PHF20: variants seen among roughly 807,000 people sequenced by gnomAD.
PHF20 encodes PHD finger protein 20.
In PHF20, 23 loss-of-function variants were observed where a neutral mutation model predicts 113.5. The ratio of observed to expected loss-of-function variants is 0.20; its 90% CI spans 0.15 to 0.29. The LOEUF is 0.29. Ranked by LOEUF, PHF20 falls within the 10% of genes least tolerant of loss-of-function variation. PHF20 has a pLI of 1.00. For missense variants in PHF20, 943 were observed against 1,219.6 expected (o/e 0.77, Z 3.38); for synonymous variants, 434 against 457.3 (o/e 0.95, Z 0.65).
intron 10 of PHF20, among the ~76,000 whole-genome samples, chr20:35,906,265 C>T (rs751349265): frequency 2.6e-5 from 4 of 152,140 alleles, no homozygotes; most frequent in Non-Finnish European, 2.9e-5. Flanking sequence ...GTCCTCCTCC[C>T]CTTAAAACAA....
At chr20:35,811,779 T>A (rs1015449954) in intron 2 of PHF20, among the ~76,000 whole-genome samples, 1 of 150,798 alleles carries the variant, frequency 6.6e-6, no homozygotes, top group Non-Finnish European at 1.5e-5. Flanking sequence ...TTTTATTTTT[T>A]AATTTTTTTG....
intron 2 of PHF20, among the ~76,000 whole-genome samples, chr20:35,822,222 T>C (rs1419881510): frequency 6.6e-6 from 1 of 152,002 alleles, no homozygotes; most frequent in Non-Finnish European, 1.5e-5. Flanking sequence ...TGCAACATAG[T>C]GAGACTCTGT....
At chr20:35,857,934 T>C (rs2042868736) in intron 4 of PHF20, among the ~76,000 whole-genome samples, 1 of 152,196 alleles carries the variant, frequency 6.6e-6, no homozygotes. Context: ...AAAGATTAAA[T>C]TATAAAAGTG....
At position 35,931,339 on chromosome 20, in the gene PHF20, C is replaced by T. The variant is rs1474808192; in HGVS notation, c.2195C>T (p.Ser732Phe). ...CTGGCATTTCTAGAAGAGAACTACT[C>T]CCATCAGAATGCCAAGAAGATCGTG... ...HGLAFLEENYSHQNAKKIVAT... is the reference protein window; with the variant it reads ...HGLAFLEENYFHQNAKKIVAT... Residue 732 changes from serine to phenylalanine, a missense_variant, in exon 15 of 18, where the codon TCC becomes TTC. Ser to Phe is a radical substitution (Grantham distance 155). Around this residue, in one of 3 missense-constraint regions of PHF20, gnomAD observed 349 missense variants for 412.3 expected, o/e 0.85. Transcript: ENST00000374012. 6.2e-7 allele frequency: 1 copy of T among 1,613,842 alleles called. No homozygotes were observed. The highest frequency in any genetic ancestry group is 8.5e-7 in the Non-Finnish European group (1 of 1,179,942).
intron 4 of PHF20, among the ~76,000 whole-genome samples, chr20:35,857,575 T>TG (rs2042857940): frequency 2.3e-5 from 3 of 130,624 alleles, no homozygotes; most frequent in Admixed American, 7.3e-5. Context: ...TTTTTTTTTT[T>TG]TTTTTTTTTT....
In PHF20 at chr20:35,834,274, C is replaced by T. The variant is rs867000560; in HGVS notation, c.84-8299C>T. 2.3e-4 allele frequency among the ~76,000 whole-genome samples: 27 copies of T among 116,272 alleles called. No homozygotes were observed. In the South Asian group the frequency reaches 4.9e-3, roughly 21 times the overall value. 76.3% of individuals were successfully genotyped at this position (116,272 alleles called of 152,430 possible). ...TTTTTTTTTTTTTTTTTTTTTGAGA[C>T]GGAGTTTCGCTCTTGTTTCCCAGTC... is the stretch of plus-strand genomic sequence containing the variant. On this transcript the variant is annotated intron_variant, in intron 2 of 17. Transcript: ENST00000374012.
chr20:35,943,120 G>C (rs546640910), intron 17 of PHF20, among the ~76,000 whole-genome samples: 55 of 152,160 alleles, frequency 3.6e-4, no homozygotes, highest in Non-Finnish European at 7.1e-4. Context: ...ACCGTACCCA[G>C]CCCTAAACTA....
intron 4 of PHF20, among the ~76,000 whole-genome samples, chr20:35,851,605 C>A (rs1186801795): frequency 6.7e-6 from 1 of 148,702 alleles, no homozygotes; most frequent in Non-Finnish European, 1.5e-5. Context: ...TTTTTTTTGC[C>A]TAGATAGCCT....
In PHF20 at chr20:35,896,727, G is replaced by C. The variant is rs902940324; in HGVS notation, c.1283-2643G>C. ...GAGGCTGGAGAATCGCTTGAACTGG[G>C]GAGGTGGAGGTTGCAGTGAGCCGAG... On this transcript the variant is annotated intron_variant, in intron 9 of 17. Coordinates refer to ENST00000374012, the MANE Select transcript of PHF20 (RefSeq NM_016436.5). Among the ~76,000 whole-genome samples, 8 of 145,358 alleles carry C rather than the reference G, an allele frequency of 5.5e-5. No individual in the cohort carries two copies. In the South Asian group the frequency reaches 6.7e-4, roughly 12 times the overall value.
intron 9 of PHF20, among the ~76,000 whole-genome samples, chr20:35,896,324 G>A (rs1239644393): frequency 1.3e-5 from 2 of 151,944 alleles, no homozygotes; most frequent in Non-Finnish European, 2.9e-5. Flanking sequence ...TTGTGTTTAC[G>A]AAAAATCTGA....
Position 35,914,115 on chromosome 20 carries a change from C to G in PHF20, c.1743C>G (p.Ser581=). 1 of 1,614,172 alleles carries G rather than the reference C, an allele frequency of 6.2e-7. No homozygotes were observed. The highest frequency in any genetic ancestry group is 8.5e-7 in the Non-Finnish European group (1 of 1,180,026). The change falls in exon 12 of 18, where the codon TCC becomes TCG. Residue 581 remains serine (S), a synonymous_variant. Transcript: ENST00000374012. ...PKAFAVTRCG[S]SHKPGVHMSP... ...CATTTGCTGTTACCAGGTGTGGGTCCTCACACAAGCCAGGGGTCCATATGA... is the reference window on the plus strand; with the variant it reads ...CATTTGCTGTTACCAGGTGTGGGTCGTCACACAAGCCAGGGGTCCATATGA...
intron 9 of PHF20, among the ~76,000 whole-genome samples, chr20:35,880,712 G>C (rs1314446443): frequency 2.6e-5 from 4 of 152,118 alleles, no homozygotes; most frequent in Non-Finnish European, 5.9e-5. Context: ...TGTAATTCCA[G>C]CACTTTGGGA....
intron 2 of PHF20, among the ~76,000 whole-genome samples, chr20:35,805,011 C>A (rs111932845): frequency 0.048 from 7,249 of 152,002 alleles, 211 homozygotes; most frequent in African/African-American, 0.088. Flanking sequence ...AAGCGATTCT[C>A]GTGCCTCAGC....
chr20:35,905,791 C>T (rs1172535190), intron 10 of PHF20, among the ~76,000 whole-genome samples: 1 of 152,214 alleles, frequency 6.6e-6, no homozygotes, highest in African/African-American at 2.4e-5. Flanking sequence ...TCAGAGGCAT[C>T]AAGGGGAATA....
intron 9 of PHF20, among the ~76,000 whole-genome samples, chr20:35,872,170 TC>T (rs2054433921): frequency 6.8e-6 from 1 of 146,574 alleles, no homozygotes; most frequent in Non-Finnish European, 1.5e-5. Context: ...AGATCTTTCT[TC>T]CTTTTTTTTT....
At chr20:35,809,570 C>G (rs994557727) in intron 2 of PHF20, among the ~76,000 whole-genome samples, 1 of 145,690 alleles carries the variant, frequency 6.9e-6, no homozygotes, top group African/African-American at 2.6e-5. Flanking sequence ...CAGAGCAAGA[C>G]TTTGTCTCAA....
At chr20:35,848,799 G>A (rs932977013) in intron 4 of PHF20, among the ~76,000 whole-genome samples, 3 of 149,774 alleles carry the variant, frequency 2.0e-5, no homozygotes, top group Non-Finnish European at 4.4e-5. Flanking sequence ...TGAGGCTACA[G>A]CAAGCTATGA....
chr20:35,800,981 G>A (rs2041770292), intron 1 of PHF20, among the ~76,000 whole-genome samples: 1 of 152,100 alleles, frequency 6.6e-6, no homozygotes, highest in Non-Finnish European at 1.5e-5. Flanking sequence ...ATACATTACT[G>A]TGCCTGGCAT....
chr20:35,812,205 C>G (rs538777256), intron 2 of PHF20, among the ~76,000 whole-genome samples: 1 of 152,176 alleles, frequency 6.6e-6, no homozygotes, highest in African/African-American at 2.4e-5. Flanking sequence ...TTTATAATAT[C>G]TAATATCCAG....
Sources: allele counts gnomAD v4.1 joint callset (sites outside exome capture counted in the v4.1 genomes callset), GRCh38; gene constraint gnomAD v4.1.1; regional missense constraint gnomAD v4.1.1; transcripts MANE v1.5; gene names NCBI Gene and HGNC (gene_info 2026-07-23, HGNC 2026-07-21).